FNDC4: variants seen among roughly 807,000 people sequenced by gnomAD.
The protein encoded by FNDC4 is fibronectin type III domain containing 4.
A neutral mutation model predicts 25.1 loss-of-function variants in FNDC4; 11 were observed. The ratio of observed to expected loss-of-function variants is 0.44; its 90% confidence interval spans 0.28 to 0.73. FNDC4 has a LOEUF of 0.73. FNDC4 is among the 30% of genes least tolerant of loss of function. FNDC4 has a pLI of 0.16. For missense variants in FNDC4, 250 were observed against 304.3 expected (o/e 0.82, Z 1.33); for synonymous variants, 136 against 118.8 (o/e 1.14, Z -0.94).
In FNDC4 at chr2:27,494,839, G is replaced by A. The variant is rs1012347883; in HGVS notation, c.-25+39C>T. 2 of 580,126 alleles carry A rather than the reference G, an allele frequency of 3.4e-6. No individual in the cohort carries two copies. The highest frequency in any genetic ancestry group is 2.9e-5 in the East Asian group (1 of 34,686). 35.9% of individuals were successfully genotyped at this position (580,126 alleles called of 1,614,324 possible). On this transcript the variant is annotated intron_variant, in intron 1 of 6. Transcript: ENST00000264703. This position sits in a 1 kb window ranked among gnomAD's most constrained non-coding sequence, Gnocchi z 4.6. Reference sequence around the variant, plus strand: ...ACGCCCTCCCGCCCCCGCATTGCCCGGGCGGCCCCAGAGTGCGGTCCGCCC... The same window carrying A: ...ACGCCCTCCCGCCCCCGCATTGCCCAGGCGGCCCCAGAGTGCGGTCCGCCC...
rs563572190 is a variant in FNDC4, at chr2:27,493,296, G to A, written c.544+93C>T. 8.8e-6 allele frequency: 9 copies of A among 1,026,120 alleles called. No homozygotes were observed. The African/African-American group carries it at 1.4e-4, about 16-fold the overall frequency. The allele number at this position is 1,026,120 out of a possible 1,614,324, so 63.6% of individuals were successfully genotyped here. ...CAAAGTGCTGGGATTACAGGCGTGAGCCACTGTATCTCTCACTTCTTTTTC... is the reference window on the plus strand; with the variant it reads ...CAAAGTGCTGGGATTACAGGCGTGAACCACTGTATCTCTCACTTCTTTTTC... On this transcript the variant is annotated intron_variant, in intron 5 of 6. Coordinates refer to ENST00000264703, the MANE Select transcript of FNDC4 (RefSeq NM_022823.3).
Position 27,494,960 on chromosome 2 carries a change from T to G in FNDC4, c.-107A>C. 3.4e-6 allele frequency: 1 copy of G among 290,094 alleles called. No homozygotes were observed. The highest frequency in any genetic ancestry group is 6.3e-6 in the Non-Finnish European group (1 of 158,544). The allele number at this position is 290,094 out of a possible 1,614,324, so 18.0% of individuals were successfully genotyped here. A position where few individuals can be genotyped will look rare whatever the true frequency, so the allele number is the denominator to read the frequency against. On this transcript the variant is annotated 5_prime_UTR_variant, in exon 1 of 7. Transcript: ENST00000264703. The surrounding 1 kb of genome is among the most constrained non-coding windows in gnomAD (Gnocchi z 4.6). ...GGCCCATCGCCCGACTCGGTGGCGC[T>G]GCCCCTACCCCATCCCGGCGCGGGC...
chr2:27,494,091 G>A lies in FNDC4; in HGVS notation c.293C>T (p.Thr98Ile), dbSNP rs766940325. Residue 98 changes from threonine (T) to isoleucine (I), a missense_variant, in exon 4 of 7, where the codon ACC (threonine) becomes ATC (isoleucine). By Grantham distance (89) the Thr-to-Ile change is moderately conservative (BLOSUM62 -1). Coordinates refer to ENST00000264703, the MANE Select transcript of FNDC4 (RefSeq NM_022823.3). This position sits in a 1 kb window ranked among gnomAD's most constrained non-coding sequence, Gnocchi z 4.6. ...CCAGAGGGCACAGGCCCGGGTGGTGGTGTTCACCTCCCGAATCACACGCTG... is the reference window on the plus strand; with the variant it reads ...CCAGAGGGCACAGGCCCGGGTGGTGATGTTCACCTCCCGAATCACACGCTG... Reference protein sequence around the residue: ...PGQRVIREVNTTTRACALWGL... With the variant: ...PGQRVIREVNITTRACALWGL... The A allele has an allele frequency of 2.5e-6, 4 of 1,614,030 alleles. No individual in the cohort carries two copies. The highest frequency in any genetic ancestry group is 2.7e-5 in the African/African-American group (2 of 74,926).
intron 4 of FNDC4, 123 bp from the exon 5 acceptor site, chr2:27,493,601 G>C: frequency 2.3e-6 from 2 of 858,634 alleles, no homozygotes; most frequent in Non-Finnish European, 3.8e-6. Context: ...TTGGAGTGTA[G>C]GGTAGCCCCT....
In FNDC4 at chr2:27,493,991, G is replaced by A. The variant is rs542003816; in HGVS notation, c.393C>T (p.Pro131=). ...CCTTGAGAGTTCGGAAGTGCACCCG[G>A]GGCCCTGGGGGACTCTCTCCCCGAA... is the stretch of plus-strand genomic sequence containing the variant. ...IGLRGESPPG[P]RVHFRTLKGS... is the part of the protein sequence containing the mutation. Residue 131 remains proline, a synonymous_variant, in exon 4 of 7, where the codon CCC becomes CCT. Transcript: ENST00000264703. 34 of 1,614,196 alleles carry A rather than the reference G, an allele frequency of 2.1e-5. No homozygotes were observed. The East Asian group carries it at 7.4e-4, about 35-fold the overall frequency.
In FNDC4 at chr2:27,492,547, C is replaced by T. The variant is rs1669281268; in HGVS notation, c.670-69G>A. ...AGGTGCCACCCTTTCTCTCCAGCCT[C>T]CCCCATCCCAGATCTTCCATTCTCC... On this transcript the variant is annotated intron_variant, in intron 6 of 6. Coordinates refer to ENST00000264703, the MANE Select transcript of FNDC4 (RefSeq NM_022823.3). This position sits in a 1 kb window ranked among gnomAD's most constrained non-coding sequence, Gnocchi z 4.1. 1.3e-6 allele frequency: 2 copies of T among 1,590,428 alleles called. No individual in the cohort carries two copies. The highest frequency in any genetic ancestry group is 1.7e-5 in the Admixed American group (1 of 60,016).
At chr2:27,493,137 T>C (rs780088) in intron 5 of FNDC4, among the ~76,000 whole-genome samples, 68,464 of 151,130 alleles carry the variant, frequency 0.45, 16,660 homozygotes, top group African/African-American at 0.63. Context: ...CTCAGCCTCC[T>C]GAGTAGCTGG....
Position 27,494,536 on chromosome 2 carries a change from C to A in FNDC4, c.133+11G>T. 1 of 1,612,338 alleles carries A rather than the reference C, an allele frequency of 6.2e-7. No individual in the cohort carries two copies. Among genetic ancestry groups the A allele is most frequent in the Non-Finnish European group, 8.5e-7 (1 of 1,179,256 alleles). On this transcript the variant is annotated intron_variant, in intron 2 of 6. Transcript: ENST00000264703. This position sits in a 1 kb window ranked among gnomAD's most constrained non-coding sequence, Gnocchi z 4.6. ...TGTGGTTGACCCTCAGCCCCGTTCC[C>A]CTTTACTTACCTGCTCGCACGAAGC...
chr2:27,494,774 T>TGC lies in FNDC4; in HGVS notation c.-24-72_-24-71insGC. On this transcript the variant is annotated intron_variant, in intron 1 of 6. Coordinates refer to ENST00000264703, the MANE Select transcript of FNDC4 (RefSeq NM_022823.3). The surrounding 1 kb of genome is among the most constrained non-coding windows in gnomAD (Gnocchi z 4.6). ...CACGGAGGTCGGGGGGCAGCAGCTC[T>TGC]CCTGGGCTCCCCACAGCTCACAACA... 1.5e-6 allele frequency: 1 copy of TGC among 671,738 alleles called. No homozygotes were observed. The highest frequency in any genetic ancestry group is 2.5e-6 in the Non-Finnish European group (1 of 399,888). The allele number at this position is 671,738 out of a possible 1,614,324, so 41.6% of individuals were successfully genotyped here.
In FNDC4 at chr2:27,494,166, C is replaced by T. The variant is rs369791755; in HGVS notation, c.250-32G>A. The stretch of plus-strand genomic sequence containing the variant: ...GGAGATGAGGGGAGAGGAGGACAGC[C>T]TCACCCCAGTGCCAGGCCACAAGGC... On this transcript the variant is annotated intron_variant, in intron 3 of 6. Coordinates refer to ENST00000264703, the MANE Select transcript of FNDC4 (RefSeq NM_022823.3). This position sits in a 1 kb window ranked among gnomAD's most constrained non-coding sequence, Gnocchi z 4.6. 1.3e-4 allele frequency: 205 copies of T among 1,600,004 alleles called. No homozygotes were observed. Among genetic ancestry groups the T allele is most frequent in the Non-Finnish European group, 1.6e-4 (191 of 1,170,024 alleles).
At position 27,492,774 on chromosome 2, in the gene FNDC4, G is replaced by C. The variant is rs771049733; in HGVS notation, c.561C>G (p.Phe187Leu). ...LLMWAAVIGL[F>L]CRQYDIIKDN... The stretch of plus-strand genomic sequence containing the variant: ...CCTTGATGATGTCATACTGACGGCA[G>C]AACAGCCCAATTACAGCTGAAACAC... The change falls in exon 6 of 7, where the codon TTC (phenylalanine) becomes TTG (leucine). Residue 187 changes from phenylalanine to leucine, a missense_variant. Phe to Leu is a conservative substitution (Grantham distance 22, BLOSUM62 0). Coordinates refer to ENST00000264703, the MANE Select transcript of FNDC4 (RefSeq NM_022823.3). This position sits in a 1 kb window ranked among gnomAD's most constrained non-coding sequence, Gnocchi z 4.1. The C allele has an allele frequency of 6.2e-7, 1 of 1,614,052 alleles. No individual in the cohort carries two copies. The highest frequency in any genetic ancestry group is 8.5e-7 in the Non-Finnish European group (1 of 1,180,024).
At position 27,494,659 on chromosome 2, in the gene FNDC4, A is replaced by G. The variant is rs1669340160; in HGVS notation, c.21T>C (p.Ser7=). Residue 7 remains serine (S), a synonymous_variant, in exon 2 of 7, where the codon AGT becomes AGC. Transcript: ENST00000264703. This position sits in a 1 kb window ranked among gnomAD's most constrained non-coding sequence, Gnocchi z 4.6. MPSGCH[S]SPPSGLRGDM... ...CCCCACGGAGTCCGCTGGGGGGGGAACTGTGGCATCCGCTTGGCATCCGCT... is the reference window on the plus strand; with the variant it reads ...CCCCACGGAGTCCGCTGGGGGGGGAGCTGTGGCATCCGCTTGGCATCCGCT... 4 of 1,569,794 alleles carry G rather than the reference A, an allele frequency of 2.5e-6. No individual in the cohort carries two copies. Among genetic ancestry groups the G allele is most frequent in the Middle Eastern group, 1.7e-4 (1 of 5,822 alleles).
rs1377118281 is a variant in FNDC4, at chr2:27,494,724, G to C, written c.-24-21C>G. The C allele has an allele frequency of 1.4e-6, 2 of 1,468,398 alleles. No homozygotes were observed. The highest frequency in any genetic ancestry group is 2.6e-5 in the Admixed American group (1 of 38,276). 91.0% of individuals were successfully genotyped at this position (1,468,398 alleles called of 1,614,324 possible). On this transcript the variant is annotated intron_variant, in intron 1 of 6. Coordinates refer to ENST00000264703, the MANE Select transcript of FNDC4 (RefSeq NM_022823.3). This position sits in a 1 kb window ranked among gnomAD's most constrained non-coding sequence, Gnocchi z 4.6. ...GGCTCCTGGAGATGGCAGGAGTTGT[G>C]GGGGGTCAAGGACTGCCCAGAACGC...
rs1669289391 is a variant in FNDC4, at chr2:27,492,838, A to G, written c.545-48T>C. The G allele has an allele frequency of 6.2e-7, 1 of 1,610,860 alleles. No individual in the cohort carries two copies. On this transcript the variant is annotated intron_variant, in intron 5 of 6. Transcript: ENST00000264703. This position sits in a 1 kb window ranked among gnomAD's most constrained non-coding sequence, Gnocchi z 4.1. ...CCTTCATCTCCACTTCCCCCCTCATAGGGAGATACCTACGTAGCTTCTAGA... is the reference window on the plus strand; with the variant it reads ...CCTTCATCTCCACTTCCCCCCTCATGGGGAGATACCTACGTAGCTTCTAGA...
Position 27,494,103 on chromosome 2 carries a change from C to G in FNDC4, c.281G>C (p.Arg94Pro), listed in dbSNP as rs1369676711. ...RQNGPGQRVI[R>P]EVNTTTRACA... ...GGCCCGGGTGGTGGTGTTCACCTCC[C>G]GAATCACACGCTGCCCGGGGCCATT... The change falls in exon 4 of 7, where the codon CGG (arginine) becomes CCG (proline). Residue 94 changes from arginine to proline, a missense_variant. Arg to Pro is a moderately radical substitution (Grantham distance 103). Coordinates refer to ENST00000264703, the MANE Select transcript of FNDC4 (RefSeq NM_022823.3). This position sits in a 1 kb window ranked among gnomAD's most constrained non-coding sequence, Gnocchi z 4.6. The G allele has an allele frequency of 1.2e-6, 2 of 1,613,968 alleles. No homozygotes were observed. The highest frequency in any genetic ancestry group is 1.3e-5 in the African/African-American group (1 of 74,928).
Position 27,492,585 on chromosome 2 carries a change from C to G in FNDC4, c.669+81G>C. The G allele has an allele frequency of 6.2e-7, 1 of 1,603,754 alleles. No homozygotes were observed. On this transcript the variant is annotated intron_variant, in intron 6 of 6. Transcript: ENST00000264703. This position sits in a 1 kb window ranked among gnomAD's most constrained non-coding sequence, Gnocchi z 4.1. ...TCTTCCATTCTCCATCTTTTTCTGC[C>G]CCTCTTTGACCTTCTTCCTTTCCCT...
In FNDC4 at chr2:27,493,422, C is replaced by A; in HGVS notation, c.511G>T (p.Val171Phe). ...ATGAGCAACACCACCACAATGATGA[C>A]CACTTCCCCAGTCTGCAGTGGCCGC... ...GERPLQTGEV[V>F]IIVVVLLMWA... The change falls in exon 5 of 7, where the codon GTC becomes TTC. Residue 171 changes from valine (V) to phenylalanine (F), a missense_variant. Physicochemically the swap from Val to Phe is conservative, Grantham distance 50. Coordinates refer to ENST00000264703, the MANE Select transcript of FNDC4 (RefSeq NM_022823.3). 1 of 1,614,016 alleles carries A rather than the reference C, an allele frequency of 6.2e-7. No homozygotes were observed. Among genetic ancestry groups the A allele is most frequent in the Non-Finnish European group, 8.5e-7 (1 of 1,179,884 alleles).
rs1380656846 is a variant in FNDC4 at position 27,492,727 on chromosome 2, G to A, written c.608C>T (p.Pro203Leu). 3.7e-6 allele frequency: 6 copies of A among 1,613,838 alleles called. No individual in the cohort carries two copies. The highest frequency in any genetic ancestry group is 4.2e-6 in the Non-Finnish European group (5 of 1,179,978). Residue 203 changes from proline to leucine, a missense_variant, in exon 6 of 7, where the codon CCC (proline) becomes CTC (leucine). Transcript: ENST00000264703. The surrounding 1 kb of genome is among the most constrained non-coding windows in gnomAD (Gnocchi z 4.1). ...IIKDNDSNNN[P>L]KEKGKGPEQS... is the part of the protein sequence containing the mutation. The stretch of plus-strand genomic sequence containing the variant: ...TTCCGGCCCCTTTCCCTTCTCCTTG[G>A]GATTGTTGTTGGAGTCATTGTCCTT...
At position 27,493,961 on chromosome 2, in the gene FNDC4, A is replaced by G. The variant is rs762138570; in HGVS notation, c.423T>C (p.Ser141=). 6.2e-7 allele frequency: 1 copy of G among 1,614,162 alleles called. No homozygotes were observed. The highest frequency in any genetic ancestry group is 1.3e-5 in the African/African-American group (1 of 74,958). Residue 141 remains serine (S), a synonymous_variant, in exon 4 of 7, where the codon TCT becomes TCC. Coordinates refer to ENST00000264703, the MANE Select transcript of FNDC4 (RefSeq NM_022823.3). ...PRVHFRTLKG[S]DRLPSNSSSP... ...TTGAACTGTTTGAAGGTAGCCGGTC[A>G]GAACCCTTGAGAGTTCGGAAGTGCA...
Sources: allele counts gnomAD v4.1 joint callset (sites outside exome capture counted in the v4.1 genomes callset), GRCh38; gene constraint gnomAD v4.1.1; non-coding constraint Gnocchi (gnomAD v3.1); transcripts MANE v1.5; gene names NCBI Gene and HGNC (gene_info 2026-07-23, HGNC 2026-07-21).